The following NBEA variants were observed in gnomAD, a reference collection of about 807,000 sequenced individuals.
NBEA encodes lysosomal-trafficking regulator 2.
In NBEA, 44 loss-of-function variants were observed where a neutral mutation model predicts 343.4. The observed-to-expected ratio is 0.13, with a 90% CI of 0.10 to 0.16. The LOEUF is 0.16. Among genes scored for constraint, NBEA ranks in the 10% least tolerant of loss-of-function variants. The pLI is 1.00. For missense variants in NBEA, 2,555 were observed against 3,631.3 expected (o/e 0.70, Z 7.62); for synonymous variants, 1,175 against 1,238.7 (o/e 0.95, Z 1.08).
intron 55 of NBEA, among the ~76,000 whole-genome samples, chr13:35,663,108 T>G (rs2085180026): frequency 6.6e-6 from 1 of 152,214 alleles, no homozygotes; most frequent in African/African-American, 2.4e-5. Context: ...TCATCACTTC[T>G]TTGCATTAGG....
At chr13:35,565,908 G>A (rs926548347) in intron 44 of NBEA, among the ~76,000 whole-genome samples, 28 of 152,134 alleles carry the variant, frequency 1.8e-4, no homozygotes, top group African/African-American at 6.8e-4. Flanking sequence ...AACTTAAGGA[G>A]TGAAAAAATG....
rs2073743576 is a variant in NBEA at position 35,211,112 on chromosome 13, A to G, written c.5581A>G (p.Thr1861Ala). Residue 1861 changes from threonine (T) to alanine (A), a missense_variant, in exon 33 of 59, where the codon ACT (threonine) becomes GCT (alanine). Physicochemically the swap from Thr to Ala is moderately conservative, Grantham distance 58. Around this residue, in one of 21 missense-constraint regions of NBEA, gnomAD observed 84 missense variants for 196.4 expected, o/e 0.43. Coordinates refer to ENST00000379939, the MANE Select transcript of NBEA (RefSeq NM_001385012.1). The stretch of plus-strand genomic sequence containing the variant: ...CTCTTCTAGTTTTGTGAATGGTGCT[A>G]CTAGCAAAAACCTTCCAGCTGTACA... ...SSSSSFVNGA[T>A]SKNLPAVQTV... 2 of 1,552,074 alleles carry G rather than the reference A, an allele frequency of 1.3e-6. No homozygotes were observed. The highest frequency in any genetic ancestry group is 1.7e-6 in the Non-Finnish European group (2 of 1,147,004).
intron 41 of NBEA, among the ~76,000 whole-genome samples, chr13:35,500,466 A>C (rs1005395538): frequency 6.6e-6 from 1 of 151,964 alleles, no homozygotes; most frequent in Non-Finnish European, 1.5e-5. Flanking sequence ...CAACATTTCC[A>C]GTTGTCTTTT....
chr13:35,463,660 T>G (rs2047023473), intron 40 of NBEA, among the ~76,000 whole-genome samples: 1 of 152,004 alleles, frequency 6.6e-6, no homozygotes, highest in Non-Finnish European at 1.5e-5. Context: ...CTTTTTAAAT[T>G]GATGGACTTT....
At chr13:35,619,465 C>T (rs1188994024) in intron 48 of NBEA, among the ~76,000 whole-genome samples, 2 of 152,116 alleles carry the variant, frequency 1.3e-5, no homozygotes, top group African/African-American at 4.8e-5. Flanking sequence ...TTGCAAAAAA[C>T]CTGCTGTTTA....
At chr13:35,001,682 A>C (rs780344360) in intron 1 of NBEA, among the ~76,000 whole-genome samples, 7 of 152,114 alleles carry the variant, frequency 4.6e-5, no homozygotes, top group Non-Finnish European at 7.4e-5. Flanking sequence ...GGGAGGAAGG[A>C]TAGGAAGAGA....
chr13:35,578,130 G>A (rs1042725479), intron 45 of NBEA, among the ~76,000 whole-genome samples: 7 of 152,188 alleles, frequency 4.6e-5, no homozygotes, highest in East Asian at 1.9e-4. Flanking sequence ...AAAAGCTATT[G>A]TTAGAAGCCA....
At chr13:35,010,915 A>G (rs771125049) in intron 1 of NBEA, among the ~76,000 whole-genome samples, 22 of 151,214 alleles carry the variant, frequency 1.5e-4, no homozygotes, top group Admixed American at 4.0e-4. Flanking sequence ...CCATTTCTTT[A>G]AAAAAAGGGC....
intron 31 of NBEA, among the ~76,000 whole-genome samples, chr13:35,200,837 T>G (rs1310099211): frequency 1.3e-5 from 2 of 152,006 alleles, no homozygotes; most frequent in African/African-American, 4.8e-5. Context: ...TCTCTTTAGT[T>G]TCATTAGTAT....
intron 31 of NBEA, among the ~76,000 whole-genome samples, chr13:35,201,403 G>T (rs1402325150): frequency 6.6e-6 from 1 of 152,000 alleles, no homozygotes; most frequent in East Asian, 1.9e-4. Flanking sequence ...AAGCATGATA[G>T]ATAACATCAT....
chr13:35,372,394 G>T (rs748853894), intron 38 of NBEA, among the ~76,000 whole-genome samples: 1 of 152,178 alleles, frequency 6.6e-6, no homozygotes, highest in Non-Finnish European at 1.5e-5. Flanking sequence ...GGCAACAGTG[G>T]TGGACAGGGC....
chr13:35,149,451 T>A (rs1286374878), intron 18 of NBEA, among the ~76,000 whole-genome samples: 1 of 152,194 alleles, frequency 6.6e-6, no homozygotes, highest in Non-Finnish European at 1.5e-5. Context: ...TTGCTGTATG[T>A]CATGCCACTA....
At chr13:35,053,020 T>C (rs1199418662) in intron 6 of NBEA, among the ~76,000 whole-genome samples, 1 of 152,110 alleles carries the variant, frequency 6.6e-6, no homozygotes, top group Non-Finnish European at 1.5e-5. Context: ...TTAATTCCCA[T>C]CCTCATTTTA....
chr13:35,164,924 A>G (rs950020969), intron 24 of NBEA, among the ~76,000 whole-genome samples: 6 of 152,218 alleles, frequency 3.9e-5, no homozygotes, highest in Non-Finnish European at 8.8e-5. Context: ...AATACATTTT[A>G]AAGGCATTTA....
intron 36 of NBEA, among the ~76,000 whole-genome samples, chr13:35,335,351 A>G (rs962290663): frequency 3.3e-5 from 5 of 152,136 alleles, no homozygotes; most frequent in South Asian, 4.2e-4. Flanking sequence ...TGTAAATTTG[A>G]CCATTGGCTT....
chr13:35,554,408 G>C (rs2079487956), intron 43 of NBEA, among the ~76,000 whole-genome samples: 1 of 152,152 alleles, frequency 6.6e-6, no homozygotes, highest in African/African-American at 2.4e-5. Flanking sequence ...TTGGACCAAT[G>C]ATCATGGTTT....
chr13:35,155,107 G>A (rs1466272884), intron 18 of NBEA, among the ~76,000 whole-genome samples: 1 of 146,592 alleles, frequency 6.8e-6, no homozygotes, highest in East Asian at 2.0e-4. Context: ...TCCAGCCTGG[G>A]GGTACCATAG....
intron 47 of NBEA, among the ~76,000 whole-genome samples, chr13:35,597,864 A>T (rs2081878355): frequency 6.6e-6 from 1 of 152,174 alleles, no homozygotes; most frequent in African/African-American, 2.4e-5. Context: ...GGAAGAGTAG[A>T]CACGGACTCC....
intron 55 of NBEA, among the ~76,000 whole-genome samples, chr13:35,655,997 C>T (rs2153082219): frequency 1.3e-5 from 2 of 152,268 alleles, no homozygotes; most frequent in South Asian, 4.1e-4. Flanking sequence ...TGCTCAGCAG[C>T]CCAGTCACCA....
Sources: allele counts gnomAD v4.1 joint callset (sites outside exome capture counted in the v4.1 genomes callset), GRCh38; gene constraint gnomAD v4.1.1; regional missense constraint gnomAD v4.1.1; transcripts MANE v1.5; gene names NCBI Gene and HGNC (gene_info 2026-07-23, HGNC 2026-07-21).